The following RCOR1 variants were observed in gnomAD, a reference collection of about 807,000 sequenced individuals.
The protein encoded by RCOR1 is REST corepressor 1, also known as REST corepressor.
A neutral mutation model predicts 64.0 loss-of-function variants in RCOR1; 12 were observed. That is an observed-to-expected ratio of 0.19 (90% CI 0.12 to 0.30). The LOEUF (loss-of-function observed/expected upper bound fraction) is 0.30. Among genes scored for constraint, RCOR1 ranks in the 10% least tolerant of loss-of-function variants. RCOR1 has a pLI of 1.00. For synonymous variants in RCOR1, 279 were observed against 227.2 expected (o/e 1.23, Z -2.05); for missense variants, 502 against 621.2 (o/e 0.81, Z 2.04).
In RCOR1 at chr14:102,708,591, C is replaced by G. The variant is rs762402658; in HGVS notation, c.779+8C>G. The G allele has an allele frequency of 2.6e-6, 4 of 1,517,150 alleles. No homozygotes were observed. The highest frequency in any genetic ancestry group is 3.7e-6 in the Non-Finnish European group (4 of 1,092,262). 94.0% of individuals were successfully genotyped at this position (1,517,150 alleles called of 1,614,324 possible). On this transcript the variant is annotated splice_region_variant and intron_variant, in intron 6 of 11. Coordinates refer to ENST00000262241, the MANE Select transcript of RCOR1 (RefSeq NM_015156.4). ...ACGGGAGCGGGAGGAGAGGTGAGCA[C>G]ATGGCTGGGGTGTTGTCTAACCACT...
intron 8 of RCOR1, among the ~76,000 whole-genome samples, chr14:102,715,224 A>G (rs928723941): frequency 6.6e-6 from 1 of 150,996 alleles, no homozygotes; most frequent in Non-Finnish European, 1.5e-5. Flanking sequence ...ACCCACCACC[A>G]CGCCCAGCTA....
chr14:102,653,983 C>CT (rs1160437928), intron 2 of RCOR1, among the ~76,000 whole-genome samples: 1,111 of 33,266 alleles, frequency 0.033, 102 homozygotes, highest in Non-Finnish European at 0.05. Flanking sequence ...TTCTTTCTTT[C>CT]TTTTTTTTTT....
At chr14:102,666,926 C>A (rs897120893) in intron 2 of RCOR1, among the ~76,000 whole-genome samples, 1 of 152,204 alleles carries the variant, frequency 6.6e-6, no homozygotes, top group Admixed American at 6.5e-5. Flanking sequence ...CCGCCCCTTT[C>A]CATACAACCC....
intron 2 of RCOR1, among the ~76,000 whole-genome samples, chr14:102,595,951 G>T (rs1358483873): frequency 6.6e-6 from 1 of 152,036 alleles, no homozygotes; most frequent in Admixed American, 6.6e-5. Context: ...TTCAAACCTT[G>T]TTTTGCCAAC....
At chr14:102,663,562 C>G (rs1321156880) in intron 2 of RCOR1, among the ~76,000 whole-genome samples, 1 of 152,176 alleles carries the variant, frequency 6.6e-6, no homozygotes, top group Non-Finnish European at 1.5e-5. Context: ...ATAATCTGGG[C>G]TCTCTGTATT....
intron 2 of RCOR1, among the ~76,000 whole-genome samples, chr14:102,625,992 C>T (rs561500437): frequency 3.9e-5 from 6 of 152,240 alleles, no homozygotes; most frequent in South Asian, 2.1e-4. Flanking sequence ...CCACCCATTC[C>T]TTTGAGTTAC....
At position 102,726,806 on chromosome 14, in the gene RCOR1, G is replaced by A. The variant is rs1022791360; in HGVS notation, c.*300G>A. The A allele has an allele frequency of 2.6e-6, 1 of 380,026 alleles. No individual in the cohort carries two copies. The highest frequency in any genetic ancestry group is 4.7e-6 in the Non-Finnish European group (1 of 213,338). The allele number at this position is 380,026 out of a possible 1,614,324, so 23.5% of individuals were successfully genotyped here. The stretch of plus-strand genomic sequence containing the variant: ...CCGCCTCTCCCGCCGGAGCCCCCGA[G>A]CCCCACCAATGGCAGCTCTTCCCAG... On this transcript the variant is annotated 3_prime_UTR_variant, in exon 12 of 12. Coordinates refer to ENST00000262241, the MANE Select transcript of RCOR1 (RefSeq NM_015156.4).
chr14:102,642,204 A>T (rs1412791679), intron 2 of RCOR1, among the ~76,000 whole-genome samples: 3 of 148,738 alleles, frequency 2.0e-5, no homozygotes, highest in Non-Finnish European at 4.5e-5. Context: ...TTGAAAGAAT[A>T]CATAGGTAAA....
At chr14:102,685,825 C>T (rs553829956) in intron 3 of RCOR1, among the ~76,000 whole-genome samples, 9 of 152,056 alleles carry the variant, frequency 5.9e-5, no homozygotes, top group African/African-American at 1.7e-4. Flanking sequence ...TAGCTGGGTG[C>T]GTGGCATGTG....
chr14:102,693,431 G>T (rs1302699795), intron 3 of RCOR1, among the ~76,000 whole-genome samples: 2 of 152,154 alleles, frequency 1.3e-5, no homozygotes, highest in African/African-American at 4.8e-5. Flanking sequence ...TCACTGTGTT[G>T]CAACTTACTT....
At chr14:102,672,653 C>A (rs965476892) in intron 2 of RCOR1, among the ~76,000 whole-genome samples, 1 of 152,166 alleles carries the variant, frequency 6.6e-6, no homozygotes, top group Admixed American at 6.5e-5. Context: ...ATAAACTTAT[C>A]CAATATGCTC....
chr14:102,639,845 TTC>T (rs1894329639), intron 2 of RCOR1, among the ~76,000 whole-genome samples: 2 of 150,690 alleles, frequency 1.3e-5, no homozygotes, highest in Admixed American at 6.6e-5. Context: ...CATTCATTCA[TTC>T]ATTCATTCAT....
chr14:102,705,527 C>G (rs1256943010), intron 4 of RCOR1, among the ~76,000 whole-genome samples: 1 of 152,164 alleles, frequency 6.6e-6, no homozygotes, highest in Non-Finnish European at 1.5e-5. Context: ...TCACTGCAGC[C>G]TCAAACCCCT....
rs182232849 is a variant in RCOR1 at position 102,655,427 on chromosome 14, T to C, written c.362-26468T>C. 8.1e-6 allele frequency: 8 copies of C among 984,968 alleles called. No homozygotes were observed. The African/African-American group carries it at 1.2e-4, about 15-fold the overall frequency. The allele number at this position is 984,968 out of a possible 1,614,324, so 61.0% of individuals were successfully genotyped here. Reference sequence around the variant, plus strand: ...TTCCTTCCTCTCAATACCTTAACTATGGCATGTTTTATAATTTGCTTTTGT... The same window carrying C: ...TTCCTTCCTCTCAATACCTTAACTACGGCATGTTTTATAATTTGCTTTTGT... On this transcript the variant is annotated intron_variant, in intron 2 of 11. Coordinates refer to ENST00000262241, the MANE Select transcript of RCOR1 (RefSeq NM_015156.4).
At chr14:102,636,953 A>C (rs961222134) in intron 2 of RCOR1, among the ~76,000 whole-genome samples, 6 of 151,352 alleles carry the variant, frequency 4.0e-5, no homozygotes, top group Admixed American at 6.6e-5. Context: ...CCTGGGTGAC[A>C]AGAGTGAAAC....
intron 4 of RCOR1, 111 bp from the exon 5 acceptor site, chr14:102,707,240 T>TGAG: frequency 1.2e-6 from 1 of 843,682 alleles, no homozygotes; most frequent in Non-Finnish European, 1.8e-6. Context: ...GCGCTGTAGA[T>TGAG]GAGTTAGTTT....
At chr14:102,645,481 T>C (rs1894459691) in intron 2 of RCOR1, among the ~76,000 whole-genome samples, 1 of 152,216 alleles carries the variant, frequency 6.6e-6, no homozygotes. Context: ...ACCCTTTTCC[T>C]GTAATGTACA....
intron 2 of RCOR1, among the ~76,000 whole-genome samples, chr14:102,597,173 C>T (rs1350428666): frequency 1.3e-5 from 2 of 151,138 alleles, no homozygotes; most frequent in Non-Finnish European, 3.0e-5. Flanking sequence ...ATGCCCTGTC[C>T]CTACCTCAGT....
chr14:102,647,111 A>G (rs973112893), intron 2 of RCOR1, among the ~76,000 whole-genome samples: 1 of 152,182 alleles, frequency 6.6e-6, no homozygotes, highest in Non-Finnish European at 1.5e-5. Flanking sequence ...GAGCAGACCC[A>G]CTGAGTGCCC....
Sources: gnomAD v4.1 joint callset for allele counts (sites outside exome capture counted in the v4.1 genomes callset) on GRCh38, gnomAD v4.1.1 for gene constraint, MANE v1.5 for transcripts, NCBI Gene and HGNC (gene_info 2026-07-23, HGNC 2026-07-21) for gene names.